Variants in PRKCZ observed in about 807,000 individuals in gnomAD.
PRKCZ encodes protein kinase C zeta type.
A neutral mutation model predicts 79.5 loss-of-function variants in PRKCZ; 33 were observed. The observed-to-expected ratio is 0.41, with a 90% CI of 0.31 to 0.55. The LOEUF (loss-of-function observed/expected upper bound fraction) is 0.55. Ranked by LOEUF, PRKCZ falls within the 20% of genes least tolerant of loss-of-function variation. The probability of loss-of-function intolerance (pLI) is 0.19; values close to 1 mark genes in which losing one functional copy is unlikely to be tolerated. For missense variants in PRKCZ, 578 were observed against 813.5 expected (o/e 0.71, Z 3.52); for synonymous variants, 342 against 320.9 (o/e 1.07, Z -0.70).
At chr1:2,090,433 C>T (rs1282248472) in intron 4 of PRKCZ, among the ~76,000 whole-genome samples, 1 of 152,194 alleles carries the variant, frequency 6.6e-6, no homozygotes, top group South Asian at 2.1e-4. Flanking sequence ...TGCCAGGGCC[C>T]GTGCCCTGTG....
intron 5 of PRKCZ, among the ~76,000 whole-genome samples, chr1:2,135,917 G>C (rs1003886702): frequency 7.9e-5 from 12 of 152,126 alleles, no homozygotes; most frequent in Non-Finnish European, 1.5e-4. Context: ...TAATTGTTCT[G>C]TTTCACAGTG....
In PRKCZ at chr1:2,174,801, G is replaced by A; in HGVS notation, c.1453G>A (p.Ala485Thr). The change falls in exon 15 of 18, where the codon GCC becomes ACC. Residue 485 changes from alanine to threonine, a missense_variant. Coordinates refer to ENST00000378567, the MANE Select transcript of PRKCZ (RefSeq NM_002744.6). This position sits in a 1 kb window ranked among gnomAD's most constrained non-coding sequence, Gnocchi z 6.2. ...IRIPRFLSVK[A>T]SHVLKGFLNK... The stretch of plus-strand genomic sequence containing the variant: ...GATCCCCCGGTTCCTGTCCGTCAAA[G>A]CCTCCCATGTTTTAAAAGGATTTTT... 2 of 1,614,136 alleles carry A rather than the reference G, an allele frequency of 1.2e-6. No individual in the cohort carries two copies. Among genetic ancestry groups the A allele is most frequent in the Non-Finnish European group, 1.7e-6 (2 of 1,180,002 alleles).
intron 4 of PRKCZ, among the ~76,000 whole-genome samples, chr1:2,115,704 G>A (rs78497137): frequency 0.024 from 3,584 of 152,228 alleles, 157 homozygotes; most frequent in African/African-American, 0.079. Context: ...AATAGCTCCC[G>A]GAACTCAGGA....
chr1:2,067,926 G>A (rs1215067184), intron 4 of PRKCZ, among the ~76,000 whole-genome samples: 2 of 152,176 alleles, frequency 1.3e-5, no homozygotes, highest in Non-Finnish European at 2.9e-5. Context: ...GTCTGTGTCT[G>A]GGGTGGCATC....
intron 17 of PRKCZ, 77 bp downstream of exon 17, chr1:2,184,775 T>A: frequency 6.9e-7 from 1 of 1,450,328 alleles, no homozygotes; most frequent in African/African-American, 1.4e-5. Context: ...GGGCAGCTGG[T>A]GACCCAGCCT....
rs997287012 is a variant in PRKCZ, at chr1:2,180,351, C to T, written c.1576-4232C>T. Among the ~76,000 whole-genome samples, 4 of 152,286 alleles carry T rather than the reference C, an allele frequency of 2.6e-5. No individual in the cohort carries two copies. The South Asian group carries it at 6.2e-4, about 24-fold the overall frequency. On this transcript the variant is annotated intron_variant, in intron 16 of 17. Transcript: ENST00000378567. ...CTCAGATGCACAGACGCCCGGACGA[C>T]GTGGACACCCAGACGATGTGGACGC... is the stretch of plus-strand genomic sequence containing the variant.
chr1:2,096,520 G>A (rs756806331), intron 4 of PRKCZ, among the ~76,000 whole-genome samples: 5 of 152,212 alleles, frequency 3.3e-5, no homozygotes, highest in East Asian at 1.9e-4. Context: ...AGCGCCAAGC[G>A]TGTCCTCGGT....
chr1:2,135,879 T>C (rs968202894), intron 5 of PRKCZ, among the ~76,000 whole-genome samples: 10 of 152,228 alleles, frequency 6.6e-5, no homozygotes, highest in Admixed American at 6.5e-4. Flanking sequence ...TTCTAGTTCC[T>C]ATGAAATGGG....
chr1:2,145,842 G>A lies in PRKCZ; in HGVS notation c.553-185G>A, dbSNP rs141179149. 1.8e-4 allele frequency among the ~76,000 whole-genome samples: 28 copies of A among 152,356 alleles called. No homozygotes were observed. In the East Asian group the frequency reaches 5.2e-3, roughly 28 times the overall value. ...GAGGCGGGAGGATTGCTCGAGCTCA[G>A]GAGGTTGAAGCTGCAGTGAGCCGTG... On this transcript the variant is annotated intron_variant, in intron 6 of 17. Transcript: ENST00000378567.
chr1:2,172,404 C>CT lies in PRKCZ; in HGVS notation c.1285+17dup. ...GAGGAGTACGGTGAGTGCCGCTGCC[C>CT]TGGCCCCTCTCGGAGCACACAGGGC... On this transcript the variant is annotated intron_variant, in intron 13 of 17. Coordinates refer to ENST00000378567, the MANE Select transcript of PRKCZ (RefSeq NM_002744.6). The surrounding 1 kb of genome is among the most constrained non-coding windows in gnomAD (Gnocchi z 7.8). 1 of 1,606,858 alleles carries CT rather than the reference C, an allele frequency of 6.2e-7. No homozygotes were observed. Among genetic ancestry groups the CT allele is most frequent in the Non-Finnish European group, 8.5e-7 (1 of 1,176,416 alleles).
intron 4 of PRKCZ, among the ~76,000 whole-genome samples, chr1:2,081,731 A>G (rs2102395800): frequency 6.6e-6 from 1 of 152,250 alleles, no homozygotes; most frequent in Admixed American, 6.5e-5. Context: ...TCAGCAGCCC[A>G]GGCTCTGCAT....
intron 16 of PRKCZ, among the ~76,000 whole-genome samples, chr1:2,179,797 T>C (rs150864937): frequency 6.6e-6 from 1 of 151,292 alleles, no homozygotes; most frequent in South Asian, 2.1e-4. Flanking sequence ...CTTCGTGTGG[T>C]GGGAGCCTCA....
intron 4 of PRKCZ, among the ~76,000 whole-genome samples, chr1:2,061,004 A>G (rs377059691): frequency 3.3e-5 from 5 of 152,318 alleles, no homozygotes; most frequent in African/African-American, 1.2e-4. Flanking sequence ...AAACACATAA[A>G]TAGGACAGAT....
chr1:2,129,556 A>G (rs1401328150), intron 4 of PRKCZ, among the ~76,000 whole-genome samples: 1 of 152,206 alleles, frequency 6.6e-6, no homozygotes, highest in Non-Finnish European at 1.5e-5. Flanking sequence ...AGGTCTGAAT[A>G]TCGCTTAAGG....
At chr1:2,102,954 A>C (rs1667754453) in intron 4 of PRKCZ, among the ~76,000 whole-genome samples, 1 of 151,920 alleles carries the variant, frequency 6.6e-6, no homozygotes, top group Admixed American at 6.6e-5. Context: ...ATCACGGCTC[A>C]CTGCAGCTGG....
At chr1:2,171,171 G>A (rs1684348591) in intron 11 of PRKCZ, among the ~76,000 whole-genome samples, 1 of 151,796 alleles carries the variant, frequency 6.6e-6, no homozygotes, top group Non-Finnish European at 1.5e-5. Flanking sequence ...GTGAAACCCT[G>A]TCTCTACTAA....
intron 4 of PRKCZ, among the ~76,000 whole-genome samples, chr1:2,062,079 C>T (rs898246200): frequency 2.0e-5 from 3 of 152,024 alleles, no homozygotes; most frequent in Admixed American, 6.6e-5. Flanking sequence ...GACGGCTGGA[C>T]GTGCCTGTCT....
intron 4 of PRKCZ, among the ~76,000 whole-genome samples, chr1:2,110,463 G>A (rs1340602866): frequency 7.0e-6 from 1 of 142,810 alleles, no homozygotes; most frequent in African/African-American, 2.4e-5. Flanking sequence ...CAGCTTCATG[G>A]GGGAAACAGA....
chr1:2,140,176 C>T (rs937428788), intron 5 of PRKCZ, among the ~76,000 whole-genome samples: 1 of 152,214 alleles, frequency 6.6e-6, no homozygotes, highest in Non-Finnish European at 1.5e-5. Flanking sequence ...CCTTTTCAAG[C>T]CAGCATCAAA....
Sources: allele counts gnomAD v4.1 joint callset (sites outside exome capture counted in the v4.1 genomes callset), GRCh38; gene constraint gnomAD v4.1.1; non-coding constraint Gnocchi (gnomAD v3.1); transcripts MANE v1.5; gene names NCBI Gene and HGNC (gene_info 2026-07-23, HGNC 2026-07-21).